SCN3A: variants seen among roughly 807,000 people sequenced by gnomAD.
SCN3A encodes sodium voltage-gated channel alpha subunit 3.
In SCN3A, 60 loss-of-function variants were observed where a neutral mutation model predicts 187.6. That is an observed-to-expected ratio of 0.32 (90% CI 0.26 to 0.40). The LOEUF (loss-of-function observed/expected upper bound fraction) is 0.40, where lower values mean the gene tolerates loss of function less well. Among genes scored for constraint, SCN3A ranks in the 10% least tolerant of loss-of-function variants. SCN3A has a pLI of 1.00. For synonymous variants in SCN3A, 788 were observed against 829.2 expected (o/e 0.95, Z 0.85); for missense variants, 1,601 against 2,428.2 (o/e 0.66, Z 7.16).
chr2:165,091,445 A>C, intron 27 of SCN3A, 100 bp from the exon 28 acceptor site: 1 of 1,371,548 alleles, frequency 7.3e-7, no homozygotes, highest in South Asian at 1.2e-5. Context: ...CTTGTTATGA[A>C]TATGAGCCTT....
In SCN3A at chr2:165,090,109, G is replaced by A. The variant is rs1685004168; in HGVS notation, c.*41C>T. On this transcript the variant is annotated 3_prime_UTR_variant, in exon 28 of 28. Transcript: ENST00000283254. This position sits in a 1 kb window ranked among gnomAD's most constrained non-coding sequence, Gnocchi z 4.0. The stretch of plus-strand genomic sequence containing the variant: ...TGACACATATACTTTACCTTCATAG[G>A]CTGTAAACAATTGATCACAAAGATA... The A allele has an allele frequency of 6.4e-7, 1 of 1,550,822 alleles. No homozygotes were observed. Among genetic ancestry groups the A allele is most frequent in the African/African-American group, 1.4e-5 (1 of 73,256 alleles).
intron 18 of SCN3A, among the ~76,000 whole-genome samples, chr2:165,123,052 C>T (rs1016293579): frequency 2.0e-5 from 3 of 151,960 alleles, no homozygotes; most frequent in African/African-American, 4.8e-5. Flanking sequence ...AATTAAATTG[C>T]AAAAATTCAT....
intron 21 of SCN3A, among the ~76,000 whole-genome samples, chr2:165,111,303 C>T (rs1686101435): frequency 6.6e-6 from 1 of 152,060 alleles, no homozygotes; most frequent in Non-Finnish European, 1.5e-5. Flanking sequence ...CCATTGCACT[C>T]CAGCCTAGGC....
At chr2:165,154,215 A>G (rs559154829) in intron 11 of SCN3A, among the ~76,000 whole-genome samples, 2 of 152,062 alleles carry the variant, frequency 1.3e-5, no homozygotes, top group East Asian at 3.9e-4. Flanking sequence ...TTCCATAGTA[A>G]ACCTTATCTC....
chr2:165,194,897 C>G (rs2105979728), intron 1 of SCN3A: 1 of 152,064 alleles, frequency 6.6e-6, no homozygotes, highest in African/African-American at 2.4e-5. Flanking sequence ...TTCCTTCAGG[C>G]TCCGAGCACA....
Position 165,155,826 on chromosome 2 carries a change from C to T in SCN3A, c.1109G>A (p.Ser370Asn), listed in dbSNP as rs1447015135. The change falls in exon 10 of 28, where the codon AGC (serine) becomes AAC (asparagine). Residue 370 changes from serine to asparagine, a missense_variant. Ser to Asn is a conservative substitution (Grantham distance 46). This residue lies in a region of SCN3A where 47 missense variants were observed against 105.8 expected (regional missense o/e 0.44). Coordinates refer to ENST00000283254, the MANE Select transcript of SCN3A (RefSeq NM_006922.4). ...NYGYTSFDTF[S>N]WAFLSLFRLM... ...TCGAAATAGAGACAGGAAAGCCCAG[C>T]TAAAGGTGTCAAAGCTTGTGTAGCC... is the stretch of plus-strand genomic sequence containing the variant. 6.2e-7 allele frequency: 1 copy of T among 1,614,110 alleles called. No homozygotes were observed. The highest frequency in any genetic ancestry group is 1.7e-5 in the Admixed American group (1 of 60,010).
chr2:165,177,997 C>T (rs1329211650), intron 2 of SCN3A, among the ~76,000 whole-genome samples: 3 of 152,114 alleles, frequency 2.0e-5, no homozygotes, highest in African/African-American at 4.8e-5. Context: ...TTTGCCCCCA[C>T]ATGTATTCTA....
intron 1 of SCN3A, among the ~76,000 whole-genome samples, chr2:165,197,868 A>G (rs1035469923): frequency 1.3e-5 from 2 of 152,006 alleles, no homozygotes; most frequent in African/African-American, 4.8e-5. Context: ...TCAATAGTAG[A>G]AACTAAGGCC....
intron 15 of SCN3A, among the ~76,000 whole-genome samples, chr2:165,131,829 C>T (rs527319576): frequency 1.4e-5 from 2 of 147,584 alleles, no homozygotes; most frequent in African/African-American, 2.5e-5. Flanking sequence ...TCAATTCCCA[C>T]TTATGAGTGA....
intron 2 of SCN3A, among the ~76,000 whole-genome samples, chr2:165,182,099 T>TG (rs1690913160): frequency 6.6e-6 from 1 of 152,138 alleles, no homozygotes; most frequent in South Asian, 2.1e-4. Context: ...GCCAAAACAG[T>TG]GAAAAAAGAC....
chr2:165,177,998 A>G (rs1268436465), intron 2 of SCN3A, among the ~76,000 whole-genome samples: 1 of 152,036 alleles, frequency 6.6e-6, no homozygotes, highest in Non-Finnish European at 1.5e-5. Context: ...TTGCCCCCAC[A>G]TGTATTCTAG....
chr2:165,132,164 A>G (rs1191912103), intron 15 of SCN3A, among the ~76,000 whole-genome samples: 1 of 152,230 alleles, frequency 6.6e-6, no homozygotes, highest in Non-Finnish European at 1.5e-5. Context: ...TTCGATGTTC[A>G]TGGGTAGGAA....
chr2:165,195,627 G>C (rs1182225673), intron 1 of SCN3A: 1 of 152,062 alleles, frequency 6.6e-6, no homozygotes, highest in Non-Finnish European at 1.5e-5. Flanking sequence ...TGTATTGTTG[G>C]GGGAGAGGAG....
chr2:165,125,136 C>T (rs1686911099), intron 18 of SCN3A, among the ~76,000 whole-genome samples: 1 of 152,066 alleles, frequency 6.6e-6, no homozygotes, highest in Non-Finnish European at 1.5e-5. Flanking sequence ...TCTTTAATAC[C>T]AAGCTCACTG....
chr2:165,161,404 G>C (rs1339547839), intron 9 of SCN3A, among the ~76,000 whole-genome samples: 2 of 151,878 alleles, frequency 1.3e-5, no homozygotes, highest in Admixed American at 6.6e-5. Flanking sequence ...TTGAACCCTG[G>C]TATACATGAA....
At chr2:165,101,885 G>A (rs1685621826) in intron 21 of SCN3A, among the ~76,000 whole-genome samples, 1 of 152,150 alleles carries the variant, frequency 6.6e-6, no homozygotes. Flanking sequence ...GTTTAATTTA[G>A]CATACATTTT....
chr2:165,094,507 A>G (rs759293436), intron 25 of SCN3A, 29 bp from the exon 26 acceptor site: 2 of 1,451,236 alleles, frequency 1.4e-6, no homozygotes, highest in Non-Finnish European at 1.9e-6. Context: ...ACTGGTTACA[A>G]TTCTGTGTTC....
intron 2 of SCN3A, among the ~76,000 whole-genome samples, chr2:165,178,670 G>A (rs1032677919): frequency 6.6e-6 from 1 of 152,116 alleles, no homozygotes; most frequent in Non-Finnish European, 1.5e-5. Context: ...CAAAAGTTAT[G>A]TTATTTTTCT....
At position 165,154,438 on chromosome 2, in the gene SCN3A, T is replaced by C; in HGVS notation, c.1380+14A>G. The C allele has an allele frequency of 6.2e-7, 1 of 1,613,252 alleles. No homozygotes were observed. The stretch of plus-strand genomic sequence containing the variant: ...TAATAATAATGATAAATCTTTGCTT[T>C]TATCACTCAGTACCTGAGCTTCTTC... On this transcript the variant is annotated intron_variant, in intron 11 of 27. Coordinates refer to ENST00000283254, the MANE Select transcript of SCN3A (RefSeq NM_006922.4).
Sources: gnomAD v4.1 joint callset for allele counts (sites outside exome capture counted in the v4.1 genomes callset) on GRCh38, gnomAD v4.1.1 for gene constraint, gnomAD v4.1.1 regional missense constraint, Gnocchi (gnomAD v3.1) non-coding constraint, MANE v1.5 for transcripts, NCBI Gene and HGNC (gene_info 2026-07-23, HGNC 2026-07-21) for gene names.